LRRC7: variants seen among roughly 807,000 people sequenced by gnomAD.
LRRC7 encodes the protein leucine-rich repeat-containing protein 7.
Under a neutral mutation model 175.7 loss-of-function variants are expected in LRRC7, and 23 were observed. The observed-to-expected ratio is 0.13, with a 90% CI of 0.09 to 0.19. LRRC7 has a LOEUF of 0.19. LRRC7 is among the 10% of genes least tolerant of loss of function. The pLI, the probability that LRRC7 is intolerant of heterozygous loss-of-function variation, is 1.00. For missense variants in LRRC7, 1,354 were observed against 1,904.7 expected (o/e 0.71, Z 5.38); for synonymous variants, 685 against 680.9 (o/e 1.01, Z -0.09).
chr1:69,623,685 G>C (rs971583235), intron 1 of LRRC7, among the ~76,000 whole-genome samples: 3 of 151,732 alleles, frequency 2.0e-5, no homozygotes, highest in African/African-American at 7.3e-5. Flanking sequence ...CGCGTAGCTG[G>C]GATTACAGGC....
intron 7 of LRRC7, among the ~76,000 whole-genome samples, chr1:69,849,370 G>A (rs1255179812): frequency 6.6e-6 from 1 of 151,724 alleles, no homozygotes; most frequent in African/African-American, 2.4e-5. Flanking sequence ...CTATCTATTG[G>A]CTCTGGATTA....
rs777857057 is a variant in LRRC7, at chr1:70,038,828, C to G, written c.3004C>G (p.Pro1002Ala). 20 of 1,613,844 alleles carry G rather than the reference C, an allele frequency of 1.2e-5. No homozygotes were observed. Among genetic ancestry groups the G allele is most frequent in the Non-Finnish European group, 1.4e-5 (17 of 1,179,980 alleles). Reference protein sequence around the residue: ...DIGTYKVYNIPLENYASGSDH... With the variant: ...DIGTYKVYNIALENYASGSDH... ...TGGTACATATAAGGTGTATAACATACCATTAGAAAACTATGCTTCTGGGAG... is the reference window on the plus strand; with the variant it reads ...TGGTACATATAAGGTGTATAACATAGCATTAGAAAACTATGCTTCTGGGAG... The change falls in exon 21 of 27, where the codon CCA (proline) becomes GCA (alanine). Residue 1002 changes from proline to alanine, a missense_variant. Physicochemically the swap from Pro to Ala is conservative, Grantham distance 27. Coordinates refer to ENST00000651989, the MANE Select transcript of LRRC7 (RefSeq NM_001370785.2).
intron 11 of LRRC7, among the ~76,000 whole-genome samples, chr1:70,007,894 G>A (rs1656129302): frequency 6.6e-6 from 1 of 152,118 alleles, no homozygotes; most frequent in Non-Finnish European, 1.5e-5. Context: ...CTTCCTAGTA[G>A]TAGCAGTGTC....
intron 2 of LRRC7, among the ~76,000 whole-genome samples, chr1:69,695,424 C>T (rs1662448431): frequency 6.6e-6 from 1 of 152,148 alleles, no homozygotes; most frequent in African/African-American, 2.4e-5. Flanking sequence ...AAGTGAAGCA[C>T]AGCATAAAAG....
chr1:70,107,667 C>A, intron 25 of LRRC7, 85 bp from the exon 26 acceptor site: 3 of 969,196 alleles, frequency 3.1e-6, no homozygotes, highest in Non-Finnish European at 4.9e-6. Flanking sequence ...TCTGTTTTCA[C>A]TGTTTTCTAT....
chr1:70,008,497 C>T (rs1322108065), intron 11 of LRRC7, among the ~76,000 whole-genome samples: 1 of 152,130 alleles, frequency 6.6e-6, no homozygotes, highest in Non-Finnish European at 1.5e-5. Context: ...TTGTATGTTT[C>T]ATGTCATATT....
chr1:69,770,848 A>G (rs1672163447), intron 3 of LRRC7, among the ~76,000 whole-genome samples: 1 of 152,124 alleles, frequency 6.6e-6, no homozygotes, highest in South Asian at 2.1e-4. Context: ...CTAAAAAATG[A>G]CCTTTTAAAA....
intron 10 of LRRC7, among the ~76,000 whole-genome samples, chr1:69,990,551 G>C (rs1290437086): frequency 6.6e-6 from 1 of 152,070 alleles, no homozygotes; most frequent in African/African-American, 2.4e-5. Context: ...ATTAAGGAAT[G>C]TGAAGGACCT....
At chr1:69,605,057 G>A (rs1647306353) in intron 1 of LRRC7, among the ~76,000 whole-genome samples, 2 of 152,154 alleles carry the variant, frequency 1.3e-5, no homozygotes, top group African/African-American at 2.4e-5. Flanking sequence ...TGGTGTGGCT[G>A]TGTCCCCACC....
intron 2 of LRRC7, among the ~76,000 whole-genome samples, chr1:69,743,891 T>C (rs540945439): frequency 1.3e-5 from 2 of 151,986 alleles, no homozygotes; most frequent in East Asian, 1.9e-4. Context: ...GCCTTTTGTC[T>C]GATACTCTGA....
At chr1:69,813,910 G>A (rs1322857848) in intron 4 of LRRC7, among the ~76,000 whole-genome samples, 1 of 152,048 alleles carries the variant, frequency 6.6e-6, no homozygotes, top group Admixed American at 6.6e-5. Context: ...AAGATATATT[G>A]CTCAAGTAAG....
chr1:69,967,824 C>T (rs371235705), intron 8 of LRRC7, among the ~76,000 whole-genome samples: 1 of 152,162 alleles, frequency 6.6e-6, no homozygotes, highest in East Asian at 1.9e-4. Flanking sequence ...TTAGACTTTT[C>T]CCTTCAACAG....
At chr1:70,079,683 C>T (rs1309139503) in intron 24 of LRRC7, among the ~76,000 whole-genome samples, 2 of 152,148 alleles carry the variant, frequency 1.3e-5, no homozygotes, top group Non-Finnish European at 2.9e-5. Context: ...GTGTTTTACA[C>T]TCTATTTCTC....
intron 4 of LRRC7, among the ~76,000 whole-genome samples, chr1:69,825,207 A>G (rs1010259643): frequency 2.0e-5 from 3 of 152,184 alleles, no homozygotes; most frequent in Non-Finnish European, 4.4e-5. Context: ...TACACTCTGT[A>G]CAGCCAACAA....
chr1:69,585,034 G>T (rs959078878), intron 1 of LRRC7, among the ~76,000 whole-genome samples: 1 of 152,106 alleles, frequency 6.6e-6, no homozygotes, highest in Non-Finnish European at 1.5e-5. Flanking sequence ...TATACAAAAT[G>T]TTCCATCCAT....
chr1:69,905,629 T>C (rs1309203982), intron 7 of LRRC7, among the ~76,000 whole-genome samples: 1 of 152,232 alleles, frequency 6.6e-6, no homozygotes, highest in Non-Finnish European at 1.5e-5. Context: ...GGTGTATATG[T>C]GCCACATTTT....
chr1:70,074,269 C>A (rs963144867), intron 23 of LRRC7, among the ~76,000 whole-genome samples: 28 of 151,608 alleles, frequency 1.8e-4, no homozygotes, highest in African/African-American at 6.5e-4. Flanking sequence ...GCCCTCTCCT[C>A]CAAACAAAAG....
intron 7 of LRRC7, among the ~76,000 whole-genome samples, chr1:69,925,097 T>G (rs1647021781): frequency 6.6e-6 from 1 of 152,204 alleles, no homozygotes; most frequent in South Asian, 2.1e-4. Flanking sequence ...TATGCTGGAT[T>G]ACATTTATTG....
chr1:69,703,261 G>A (rs1037566087), intron 2 of LRRC7, among the ~76,000 whole-genome samples: 2 of 151,716 alleles, frequency 1.3e-5, no homozygotes, highest in Non-Finnish European at 2.9e-5. Flanking sequence ...TAAATTATAA[G>A]TAGTAAAATT....
Sources: allele counts gnomAD v4.1 joint callset (sites outside exome capture counted in the v4.1 genomes callset), GRCh38; gene constraint gnomAD v4.1.1; transcripts MANE v1.5; gene names NCBI Gene and HGNC (gene_info 2026-07-23, HGNC 2026-07-21).